TGFBI: variants seen among roughly 807,000 people sequenced by gnomAD.
TGFBI encodes the protein transforming growth factor beta induced, also known as transforming growth factor-beta-induced protein ig-h3.
TGFBI carries 50 observed loss-of-function variants against 73.7 expected under a neutral mutation model. The observed-to-expected ratio is 0.68, with a 90% CI of 0.54 to 0.86. The LOEUF is 0.86. Among genes scored for constraint, TGFBI ranks in the 40% least tolerant of loss-of-function variants. The pLI is 0.00. For missense variants in TGFBI, 839 were observed against 877.0 expected, an observed-to-expected ratio of 0.96 and a Z score of 0.55; for synonymous variants, 362 against 360.5, an observed-to-expected ratio of 1.00 and a Z score of -0.05.
At position 136,055,755 on chromosome 5, in the gene TGFBI, C is replaced by A; in HGVS notation, c.1486C>A (p.Arg496=). The A allele has an allele frequency of 6.2e-7, 1 of 1,612,752 alleles. No individual in the cohort carries two copies. The highest frequency in any genetic ancestry group is 8.5e-7 in the Non-Finnish European group (1 of 1,179,096). Residue 496 remains arginine (R), a synonymous_variant, in exon 11 of 17, where the codon CGG becomes AGG. Coordinates refer to ENST00000442011, the MANE Select transcript of TGFBI (RefSeq NM_000358.3). ...GRYGTLFTMD[R]VLTPPMGTVM... is the part of the protein sequence containing the mutation. ...GTACGGGACCCTGTTCACGATGGAC[C>A]GGGTGCTGACCCCCCCAATGGGGAC...
intron 1 of TGFBI, 57 bp downstream of exon 1, chr5:136,029,246 C>A (rs1212226942): frequency 1.4e-6 from 2 of 1,412,076 alleles, no homozygotes; most frequent in African/African-American, 1.5e-5. Context: ...GGGCTCGGAG[C>A]GCAAGCCGCT....
intron 3 of TGFBI, among the ~76,000 whole-genome samples, chr5:136,045,446 G>A (rs1751411159): frequency 6.6e-6 from 1 of 152,182 alleles, no homozygotes; most frequent in Non-Finnish European, 1.5e-5. Context: ...TCAGGAGGCT[G>A]AGGCAGGAGA....
At chr5:136,047,670 G>A (rs960047040) in intron 6 of TGFBI, 1 of 490,784 alleles carries the variant, frequency 2.0e-6, no homozygotes, top group Non-Finnish European at 3.7e-6. Flanking sequence ...TCAGTGGTGT[G>A]TGGCTGCAGC....
chr5:136,061,120 G>A (rs761654956), intron 14 of TGFBI, 184 bp downstream of exon 14: 14 of 598,504 alleles, frequency 2.3e-5, no homozygotes, highest in Non-Finnish European at 3.9e-5. Context: ...ACCACACTAA[G>A]GAATGTGAGG....
intron 1 of TGFBI, among the ~76,000 whole-genome samples, chr5:136,030,289 GT>G (rs1401790180): frequency 2.0e-5 from 3 of 152,214 alleles, no homozygotes; most frequent in Non-Finnish European, 4.4e-5. Context: ...ATTGTTGGGG[GT>G]GATAGAGTTG....
intron 11 of TGFBI, 151 bp from the exon 12 acceptor site, chr5:136,056,514 A>C: frequency 1.1e-6 from 1 of 895,830 alleles, no homozygotes; most frequent in Non-Finnish European, 1.7e-6. Flanking sequence ...GTGCATACGG[A>C]GGGCATGAAA....
chr5:136,062,609 C>T (rs1224866684), intron 15 of TGFBI, 54 bp from the exon 16 acceptor site: 26 of 1,538,164 alleles, frequency 1.7e-5, no homozygotes, highest in East Asian at 2.4e-5. Flanking sequence ...TTGTCATAAG[C>T]AGTTGCAGGT....
intron 3 of TGFBI, among the ~76,000 whole-genome samples, chr5:136,044,455 T>G (rs1751390938): frequency 6.6e-6 from 1 of 152,176 alleles, no homozygotes; most frequent in Admixed American, 6.5e-5. Context: ...TCTAAACACA[T>G]CCAGCAGGGT....
chr5:136,057,072 G>A (rs1450994605), intron 12 of TGFBI, among the ~76,000 whole-genome samples: 1 of 152,124 alleles, frequency 6.6e-6, no homozygotes, highest in East Asian at 1.9e-4. Flanking sequence ...GCACAGAACA[G>A]CAGCCAGAGC....
rs749417130 is a variant in TGFBI, at chr5:136,047,018, A to G, written c.624+3A>G. The G allele has an allele frequency of 2.5e-6, 4 of 1,610,838 alleles. No individual in the cohort carries two copies. In the African/African-American group the frequency reaches 5.3e-5, roughly 22 times the overall value. Reference sequence around the variant, plus strand: ...AGATCCACCACTATCCTAATGGGGTAGGGGATCCCCAGCCATACTGCATGG... The same window carrying G: ...AGATCCACCACTATCCTAATGGGGTGGGGGATCCCCAGCCATACTGCATGG... On this transcript the variant is annotated splice_donor_region_variant and intron_variant, in intron 5 of 16. Transcript: ENST00000442011.
At chr5:136,055,075 C>A in intron 10 of TGFBI, 1 of 587,880 alleles carries the variant, frequency 1.7e-6, no homozygotes. Context: ...ATAAACCACA[C>A]AATTATCCAA....
intron 5 of TGFBI, 62 bp from the exon 6 acceptor site, chr5:136,047,212 C>T (rs774624276): frequency 4.3e-5 from 69 of 1,596,578 alleles, no homozygotes; most frequent in Admixed American, 1.7e-4. Context: ...TTTCTCCTCC[C>T]GGGGCTTTGG....
In TGFBI at chr5:136,063,452, A is replaced by T; in HGVS notation, c.*226A>T. On this transcript the variant is annotated 3_prime_UTR_variant, in exon 17 of 17. Coordinates refer to ENST00000442011, the MANE Select transcript of TGFBI (RefSeq NM_000358.3). ...TGGCTGTTAACCCACTGCATGCAGAAACTTGGATGTCACTGCCTGACATTC... is the reference window on the plus strand; with the variant it reads ...TGGCTGTTAACCCACTGCATGCAGATACTTGGATGTCACTGCCTGACATTC... The T allele has an allele frequency of 1.9e-6, 1 of 524,256 alleles. No individual in the cohort carries two copies. The highest frequency in any genetic ancestry group is 3.4e-6 in the Non-Finnish European group (1 of 292,450). 32.5% of individuals were successfully genotyped at this position (524,256 alleles called of 1,614,324 possible). A position where few individuals can be genotyped will look rare whatever the true frequency, so the allele number is the denominator to read the frequency against.
At chr5:136,048,353 A>C (rs1227004038) in intron 6 of TGFBI, 3 of 152,276 alleles carry the variant, frequency 2.0e-5, no homozygotes, top group East Asian at 1.9e-4. Context: ...AGATTTGGTA[A>C]ATATTTCTTC....
Position 136,056,846 on chromosome 5 carries a change from T to C in TGFBI, c.1678+51T>C, listed in dbSNP as rs1371033691. ...TCCATTTTTCTAAAGTAGTGATCCC[T>C]CAGGGCCCCAGCAGCAAACAGTTGG... is the stretch of plus-strand genomic sequence containing the variant. On this transcript the variant is annotated intron_variant, in intron 12 of 16. Coordinates refer to ENST00000442011, the MANE Select transcript of TGFBI (RefSeq NM_000358.3). 4.5e-6 allele frequency: 7 copies of C among 1,556,486 alleles called. No individual in the cohort carries two copies. In the African/African-American group the frequency reaches 8.2e-5, roughly 18 times the overall value.
At chr5:136,044,908 T>C (rs1398073721) in intron 3 of TGFBI, 1 of 152,252 alleles carries the variant, frequency 6.6e-6, no homozygotes, top group Non-Finnish European at 1.5e-5. Flanking sequence ...TATTCTTCCA[T>C]GTACTTTAAA....
Position 136,041,182 on chromosome 5 carries a change from C to T in TGFBI, c.234-2876C>T, listed in dbSNP as rs1451911098. ...GAAGGCGTGGCTAACCCCTGCACAC[C>T]TAGAGAGTGACAGAGATGCCAGACT... On this transcript the variant is annotated intron_variant, in intron 2 of 16. Transcript: ENST00000442011. Among the ~76,000 whole-genome samples, 4 of 152,236 alleles carry T rather than the reference C, an allele frequency of 2.6e-5. 1 individual carries two copies. The East Asian group carries it at 7.7e-4, about 29-fold the overall frequency.
At chr5:136,053,452 C>T (rs574362468) in intron 8 of TGFBI, among the ~76,000 whole-genome samples, 1 of 152,348 alleles carries the variant, frequency 6.6e-6, no homozygotes, top group African/African-American at 2.4e-5. Context: ...TCAGTAGTGC[C>T]CAAGCTGTCC....
At chr5:136,033,897 A>G (rs983156181) in intron 2 of TGFBI, 36 bp downstream of exon 2, 2 of 1,562,344 alleles carry the variant, frequency 1.3e-6, no homozygotes, top group Admixed American at 1.7e-5. Flanking sequence ...ACCAAGCTGT[A>G]TGCACGCTGG....
Sources: gnomAD v4.1 joint callset for allele counts (sites outside exome capture counted in the v4.1 genomes callset) on GRCh38, gnomAD v4.1.1 for gene constraint, MANE v1.5 for transcripts, NCBI Gene and HGNC (gene_info 2026-07-23, HGNC 2026-07-21) for gene names.